Variants in MGAM observed in about 807,000 individuals in gnomAD.
The protein encoded by MGAM is alpha-1,4-glucosidase.
Under a neutral mutation model 358.8 loss-of-function variants are expected in MGAM, and 253 were observed. That is an observed-to-expected ratio of 0.71 (90% CI 0.64 to 0.78). The LOEUF (loss-of-function observed/expected upper bound fraction) is 0.78. Among genes scored for constraint, MGAM ranks in the 30% least tolerant of loss-of-function variants. The probability of loss-of-function intolerance (pLI) is 0.00; values close to 1 mark genes in which losing one functional copy is unlikely to be tolerated. For synonymous variants in MGAM, 1,105 were observed against 1,227.1 expected (o/e 0.90, Z 2.08); for missense variants, 3,080 against 3,432.6 (o/e 0.90, Z 2.57).
intron 40 of MGAM, 45 bp downstream of exon 40, chr7:142,065,876 GAC>G: frequency 7.3e-7 from 1 of 1,373,686 alleles, no homozygotes; most frequent in Non-Finnish European, 1.0e-6. Context: ...TCACTTGAAA[GAC>G]AGTCTCCATT....
intron 40 of MGAM, 124 bp downstream of exon 40, chr7:142,065,955 T>C: frequency 1.3e-6 from 1 of 765,130 alleles, no homozygotes; most frequent in Non-Finnish European, 1.9e-6. Context: ...TTTTTTTTGT[T>C]TTGTTTTGTT....
At position 142,093,453 on chromosome 7, in the gene MGAM, T is replaced by A; in HGVS notation, c.7075T>A (p.Cys2359Ser). ...RDRGLSSKTLCMESQQILPDG... is the reference protein window; with the variant it reads ...RDRGLSSKTLSMESQQILPDG... ...CAGGGGCCTGAGCAGCAAGACCCTG[T>A]GCATGGAGAGTCAGCAGATCCTCCC... is the stretch of plus-strand genomic sequence containing the variant. Residue 2359 changes from cysteine to serine, a missense_variant, in exon 60 of 71, where the codon TGC becomes AGC. Around this residue, in one of 5 missense-constraint regions of MGAM, gnomAD observed 932 missense variants for 1,198.2 expected, o/e 0.78. Transcript: ENST00000475668. 12 of 1,536,808 alleles carry A rather than the reference T, an allele frequency of 7.8e-6. 2 individuals are homozygous for A. Among genetic ancestry groups the A allele is most frequent in the Non-Finnish European group, 1.1e-5 (12 of 1,122,736 alleles).
intron 65 of MGAM, 100 bp downstream of exon 65, chr7:142,096,515 G>A (rs1421153145): frequency 7.2e-7 from 1 of 1,388,248 alleles, no homozygotes; most frequent in East Asian, 2.3e-5. Context: ...CCTAAGACAT[G>A]GTTTCTTATT....
At position 142,094,387 on chromosome 7, in the gene MGAM, A is replaced by G; in HGVS notation, c.7196A>G (p.Gln2399Arg). The G allele has an allele frequency of 6.5e-7, 1 of 1,529,016 alleles. No homozygotes were observed. The highest frequency in any genetic ancestry group is 8.9e-7 in the Non-Finnish European group (1 of 1,119,216). The allele number at this position is 1,529,016 out of a possible 1,614,324, so 94.7% of individuals were successfully genotyped here. A position where few individuals can be genotyped will look rare whatever the true frequency, so the allele number is the denominator to read the frequency against. ...TYEAVQEVTG[Q>R]RGVVITRSTF... ...AGAGCCGTGCAGGAGGTGACAGGAC[A>G]GCGAGGGGTCGTCATCACCCGCTCC... Residue 2399 changes from glutamine to arginine, a missense_variant, in exon 61 of 71, where the codon CAG becomes CGG. Around this residue, in one of 5 missense-constraint regions of MGAM, gnomAD observed 932 missense variants for 1,198.2 expected, o/e 0.78. Coordinates refer to ENST00000475668, the MANE Select transcript of MGAM (RefSeq NM_001365693.1).
intron 69 of MGAM, 75 bp downstream of exon 69, chr7:142,102,754 A>C: frequency 7.4e-7 from 1 of 1,350,842 alleles, no homozygotes; most frequent in Non-Finnish European, 1.0e-6. Flanking sequence ...AAGGGCATAA[A>C]ATACCACCTA....
rs1161446062 is a variant in MGAM at position 142,087,271 on chromosome 7, C to G, written c.6810+554C>G. Among the ~76,000 whole-genome samples, 4 of 145,610 alleles carry G rather than the reference C, an allele frequency of 2.7e-5. 1 individual carries two copies. The highest frequency in any genetic ancestry group is 6.9e-5 in the Admixed American group (1 of 14,398). On this transcript the variant is annotated intron_variant, in intron 57 of 70. Transcript: ENST00000475668. Reference sequence around the variant, plus strand: ...TTGCTTTTACCTCTCAGTTTCCAGCCTTACTGTAAAACTTGCTCTCTTCTG... The same window carrying G: ...TTGCTTTTACCTCTCAGTTTCCAGCGTTACTGTAAAACTTGCTCTCTTCTG...
upstream of MGAM, among the ~76,000 whole-genome samples, chr7:141,994,326 A>G (rs1804081949): frequency 6.6e-6 from 1 of 152,234 alleles, no homozygotes; most frequent in Non-Finnish European, 1.5e-5. Flanking sequence ...AAGAGCAGGC[A>G]AAAACTTCTC....
intron 9 of MGAM, 39 bp from the exon 10 acceptor site, chr7:142,027,570 CA>C: frequency 6.2e-7 from 1 of 1,607,682 alleles, no homozygotes; most frequent in Non-Finnish European, 8.5e-7. Context: ...TTATTAAAAA[CA>C]GAGTATTTGC....
At chr7:141,988,502 T>G (rs782529279) in intron 2 of MGAM, among the ~76,000 whole-genome samples, 2 of 151,994 alleles carry the variant, frequency 1.3e-5, no homozygotes, top group African/African-American at 4.8e-5. Flanking sequence ...GTAGCTGAGA[T>G]AACAGGCGCC....
At chr7:142,026,979 G>T in intron 8 of MGAM, 136 bp from the exon 9 acceptor site, 1 of 620,722 alleles carries the variant, frequency 1.6e-6, no homozygotes, top group Non-Finnish European at 2.8e-6. Flanking sequence ...GTTTTCACTT[G>T]GTATTCAAAA....
At chr7:142,079,523 A>T (rs961842027) in intron 49 of MGAM, among the ~76,000 whole-genome samples, 1 of 146,120 alleles carries the variant, frequency 6.8e-6, no homozygotes, top group African/African-American at 2.4e-5. Context: ...TGATATGTTC[A>T]GTTTGGGATA....
At chr7:142,035,757 G>A (rs533104329) in intron 16 of MGAM, among the ~76,000 whole-genome samples, 9 of 152,208 alleles carry the variant, frequency 5.9e-5, no homozygotes, top group South Asian at 2.1e-4. Flanking sequence ...AGGAAGTCCC[G>A]GAGATTTTTT....
intron 2 of MGAM, among the ~76,000 whole-genome samples, chr7:141,986,886 A>T (rs1803728851): frequency 6.6e-6 from 1 of 152,186 alleles, no homozygotes; most frequent in Non-Finnish European, 1.5e-5. Context: ...CTCAATGGGG[A>T]TGCCAAACAA....
intron 21 of MGAM, among the ~76,000 whole-genome samples, chr7:142,044,501 A>T (rs1275446146): frequency 9.2e-6 from 1 of 108,920 alleles, no homozygotes; most frequent in Non-Finnish European, 1.9e-5. Context: ...CACTTACGAT[A>T]TATGATATAT....
At position 142,025,121 on chromosome 7, in the gene MGAM, G is replaced by C; in HGVS notation, c.954G>C (p.Gly318=). ...AAGATGCTAGTGGATTGTCCTTTGGGGTGTTTCTGATGAACAGCAATGCCA... is the reference window on the plus strand; with the variant it reads ...AAGATGCTAGTGGATTGTCCTTTGGCGTGTTTCTGATGAACAGCAATGCCA... ...CLEDASGLSF[G]VFLMNSNAME... Residue 318 remains glycine, a synonymous_variant, in exon 8 of 71, where the codon GGG becomes GGC. Transcript: ENST00000475668. 1 of 1,612,804 alleles carries C rather than the reference G, an allele frequency of 6.2e-7. No individual in the cohort carries two copies. The highest frequency in any genetic ancestry group is 1.7e-4 in the Middle Eastern group (1 of 6,058).
chr7:141,987,378 T>C (rs1803759546), intron 2 of MGAM, among the ~76,000 whole-genome samples: 1 of 152,224 alleles, frequency 6.6e-6, no homozygotes, highest in African/African-American at 2.4e-5. Flanking sequence ...CTAATCTCTG[T>C]ATCTTAATAA....
rs772903816 is a variant in MGAM, at chr7:142,093,452, G to T, written c.7074G>T (p.Leu2358=). The T allele has an allele frequency of 1.2e-5, 18 of 1,536,766 alleles. 1 individual carries two copies. In the South Asian group the frequency reaches 1.4e-4, roughly 12 times the overall value. ...ACAGGGGCCTGAGCAGCAAGACCCT[G>T]TGCATGGAGAGTCAGCAGATCCTCC... ...SRDRGLSSKT[L]CMESQQILPD... is the part of the protein sequence containing the mutation. Residue 2358 remains leucine, a synonymous_variant, in exon 60 of 71, where the codon CTG becomes CTT. Transcript: ENST00000475668.
chr7:142,095,983 T>C (rs1815871227), intron 64 of MGAM: 1 of 617,042 alleles, frequency 1.6e-6, no homozygotes, highest in African/African-American at 1.8e-5. Flanking sequence ...CCTATCTATC[T>C]TTTGTAGCAG....
rs141604373 is a variant in MGAM at position 142,047,888 on chromosome 7, G to A, written c.2587+15G>A. On this transcript the variant is annotated intron_variant, in intron 22 of 70. Coordinates refer to ENST00000475668, the MANE Select transcript of MGAM (RefSeq NM_001365693.1). Reference sequence around the variant, plus strand: ...GGAAACGAAGGGTGAGCACTTATACGATAATGTTGCTGTTTCCCAACCTGC... The same window carrying A: ...GGAAACGAAGGGTGAGCACTTATACAATAATGTTGCTGTTTCCCAACCTGC... 4.0e-4 allele frequency: 630 copies of A among 1,576,574 alleles called. 2 individuals are homozygous for A. In the African/African-American group the frequency reaches 5.5e-3, roughly 14 times the overall value.
Sources: gnomAD v4.1 joint callset for allele counts (sites outside exome capture counted in the v4.1 genomes callset) on GRCh38, gnomAD v4.1.1 for gene constraint, gnomAD v4.1.1 regional missense constraint, MANE v1.5 for transcripts, NCBI Gene and HGNC (gene_info 2026-07-23, HGNC 2026-07-21) for gene names.